The following NCOA3 variants were observed in gnomAD, a reference collection of about 807,000 sequenced individuals.
NCOA3 encodes nuclear receptor coactivator 3.
NCOA3 carries 51 observed loss-of-function variants against 158.8 expected under a neutral mutation model. The ratio of observed to expected loss-of-function variants is 0.32; its 90% CI spans 0.26 to 0.41. NCOA3 has a LOEUF of 0.41. NCOA3 is among the 10% of genes least tolerant of loss of function. NCOA3 has a pLI of 1.00. For missense variants in NCOA3, 1,510 were observed against 1,746.6 expected (o/e 0.86, Z 2.41); for synonymous variants, 537 against 592.4 (o/e 0.91, Z 1.36).
At chr20:47,507,765 T>C (rs1253275310) in intron 1 of NCOA3, among the ~76,000 whole-genome samples, 1 of 152,052 alleles carries the variant, frequency 6.6e-6, no homozygotes, top group African/African-American at 2.4e-5. Flanking sequence ...ATTACAGGCA[T>C]GTGCCACTAC....
rs137909889 is a variant in NCOA3 at position 47,539,878 on chromosome 20, A to T, written c.-99+37859A>T. On this transcript the variant is annotated intron_variant, in intron 1 of 22. Transcript: ENST00000371998. ...GTAAAACTTTCAAATAAATAATTGGATACTGCCAATAACATGACATATTCT... is the reference window on the plus strand; with the variant it reads ...GTAAAACTTTCAAATAAATAATTGGTTACTGCCAATAACATGACATATTCT... Among the ~76,000 whole-genome samples the T allele has an allele frequency of 4.6e-5, 7 of 152,372 alleles. No individual in the cohort carries two copies. In the East Asian group the frequency reaches 7.7e-4, roughly 17 times the overall value.
intron 1 of NCOA3, among the ~76,000 whole-genome samples, chr20:47,540,173 G>A (rs1035829519): frequency 6.6e-6 from 1 of 152,156 alleles, no homozygotes; most frequent in African/African-American, 2.4e-5. Flanking sequence ...ACATTGGCCT[G>A]TATGTCAACT....
chr20:47,502,340 C>T (rs2083947126), intron 1 of NCOA3, among the ~76,000 whole-genome samples: 1 of 152,130 alleles, frequency 6.6e-6, no homozygotes, highest in Admixed American at 6.5e-5. Flanking sequence ...CCACTTTCCC[C>T]TTCTGTCCCT....
chr20:47,512,588 A>AC (rs2084164451), intron 1 of NCOA3, among the ~76,000 whole-genome samples: 1 of 135,768 alleles, frequency 7.4e-6, no homozygotes, highest in Non-Finnish European at 1.6e-5. Context: ...AAAAAAAAAA[A>AC]ACACAAAAGA....
intron 2 of NCOA3, among the ~76,000 whole-genome samples, chr20:47,615,177 A>T (rs1404332166): frequency 1.3e-5 from 2 of 152,228 alleles, no homozygotes; most frequent in Non-Finnish European, 2.9e-5. Context: ...GGGTCATGGT[A>T]AATAAATTAC....
At chr20:47,539,960 T>C (rs982487694) in intron 1 of NCOA3, among the ~76,000 whole-genome samples, 2 of 152,222 alleles carry the variant, frequency 1.3e-5, no homozygotes, top group African/African-American at 4.8e-5. Context: ...GATACTAGTT[T>C]TACATAAACT....
intron 1 of NCOA3, among the ~76,000 whole-genome samples, chr20:47,522,099 C>CTTTTTTTTTTTTTT (rs772811888): frequency 1.2e-4 from 9 of 76,836 alleles, no homozygotes; most frequent in African/African-American, 4.2e-4. Context: ...TTGTACAGAT[C>CTTTTTTTTTTTTTT]TTTTTTTTTT....
intron 1 of NCOA3, among the ~76,000 whole-genome samples, chr20:47,529,094 A>AT (rs1185873962): frequency 6.8e-6 from 1 of 147,620 alleles, no homozygotes; most frequent in African/African-American, 2.5e-5. Flanking sequence ...ACTCAGGGTG[A>AT]TACTCAACTC....
chr20:47,607,634 G>A (rs1001715501), intron 2 of NCOA3, among the ~76,000 whole-genome samples: 3 of 152,048 alleles, frequency 2.0e-5, no homozygotes, highest in Admixed American at 2.0e-4. Context: ...TTGTTAATTT[G>A]TCTTTTGTTA....
chr20:47,636,495 A>G lies in NCOA3; in HGVS notation c.2109A>G (p.Ala703=), dbSNP rs780809531. ...CAGCTGAGGTAGCCAAGATTACTGCAGAAGCCACTGGGAAAGACACCAGCA... is the reference window on the plus strand; with the variant it reads ...CAGCTGAGGTAGCCAAGATTACTGCGGAAGCCACTGGGAAAGACACCAGCA... ...NSPAEVAKIT[A]EATGKDTSSI... is the part of the protein sequence containing the mutation. Residue 703 remains alanine, a synonymous_variant, in exon 12 of 23, where the codon GCA becomes GCG. Transcript: ENST00000371998. 1.2e-6 allele frequency: 2 copies of G among 1,614,212 alleles called. No individual in the cohort carries two copies. The highest frequency in any genetic ancestry group is 3.3e-5 in the Admixed American group (2 of 60,020).
intron 1 of NCOA3, among the ~76,000 whole-genome samples, chr20:47,545,456 C>T (rs967697510): frequency 9.2e-5 from 14 of 152,174 alleles, no homozygotes; most frequent in Admixed American, 3.9e-4. Flanking sequence ...GGATTACTGG[C>T]GTGAGCCACT....
chr20:47,644,348 C>T (rs992817250), intron 17 of NCOA3, among the ~76,000 whole-genome samples: 1 of 152,010 alleles, frequency 6.6e-6, no homozygotes, highest in African/African-American at 2.4e-5. Context: ...ACCGTGTTAG[C>T]GAGGATGGTC....
chr20:47,520,103 G>A (rs1036598312), intron 1 of NCOA3, among the ~76,000 whole-genome samples: 7 of 149,720 alleles, frequency 4.7e-5, no homozygotes, highest in Non-Finnish European at 8.9e-5. Context: ...AAGGCTACAG[G>A]TTGTCAGTGG....
At chr20:47,511,550 T>TATATATATACACACACACATCCAC in intron 1 of NCOA3, among the ~76,000 whole-genome samples, 1 of 52,270 alleles carries the variant, frequency 1.9e-5, no homozygotes, top group Admixed American at 3.2e-4. Flanking sequence ...TATATATATA[T>TATATATATACACACACACATCCAC]ATATATTTCT....
intron 1 of NCOA3, among the ~76,000 whole-genome samples, chr20:47,581,637 A>C (rs1027081147): frequency 1.8e-4 from 28 of 152,210 alleles, no homozygotes; most frequent in African/African-American, 5.8e-4. Flanking sequence ...TATGGTTGTT[A>C]TCTTGGTTCG....
chr20:47,520,783 T>C (rs2084319026), intron 1 of NCOA3, among the ~76,000 whole-genome samples: 1 of 152,182 alleles, frequency 6.6e-6, no homozygotes, highest in African/African-American at 2.4e-5. Flanking sequence ...TTGCGCTCAC[T>C]GAACTTGTGT....
intron 1 of NCOA3, among the ~76,000 whole-genome samples, chr20:47,569,682 A>T (rs2085259889): frequency 6.7e-6 from 1 of 149,442 alleles, no homozygotes; most frequent in South Asian, 2.1e-4. Context: ...CCCTGTCTCA[A>T]CAACAGCAAC....
In NCOA3 at chr20:47,625,307, TG is replaced by T. The variant is rs963648460; in HGVS notation, c.257-70del. On this transcript the variant is annotated intron_variant, in intron 4 of 22. Coordinates refer to ENST00000371998, the MANE Select transcript of NCOA3 (RefSeq NM_181659.3). Reference sequence around the variant, plus strand: ...TGCATGTGTATCTTTATGTCTCTTCTGGGGACTATTCGAAGGTGATTTAATC... The same window carrying T: ...TGCATGTGTATCTTTATGTCTCTTCTGGGACTATTCGAAGGTGATTTAATC... 51 of 966,014 alleles carry T rather than the reference TG, an allele frequency of 5.3e-5. No homozygotes were observed. The African/African-American group carries it at 7.1e-4, about 13-fold the overall frequency. The allele number at this position is 966,014 out of a possible 1,614,324, so 59.8% of individuals were successfully genotyped here.
intron 1 of NCOA3, among the ~76,000 whole-genome samples, chr20:47,555,566 T>C (rs1285525658): frequency 1.3e-5 from 2 of 152,114 alleles, no homozygotes. Flanking sequence ...GTGCTGAAGC[T>C]TTCAAACTGA....
Sources: gnomAD v4.1 joint callset for allele counts (sites outside exome capture counted in the v4.1 genomes callset) on GRCh38, gnomAD v4.1.1 for gene constraint, MANE v1.5 for transcripts, NCBI Gene and HGNC (gene_info 2026-07-23, HGNC 2026-07-21) for gene names.